Variants in ARL15 observed in about 807,000 individuals in gnomAD.
ARL15 encodes ARF like GTPase 15, also known as ADP-ribosylation factor-like protein 15.
A neutral mutation model predicts 25.2 loss-of-function variants in ARL15; 19 were observed. That is an observed-to-expected ratio of 0.75 (90% CI 0.53 to 1.10). ARL15 has a LOEUF of 1.10. ARL15 is among the 50% of genes least tolerant of loss of function. The pLI is 0.00. For missense variants in ARL15, 220 were observed against 246.0 expected, an observed-to-expected ratio of 0.89 and a Z score of 0.71; for synonymous variants, 94 against 86.8, an observed-to-expected ratio of 1.08 and a Z score of -0.46.
At chr5:54,251,944 A>T (rs1757244551) in intron 1 of ARL15, among the ~76,000 whole-genome samples, 1 of 152,242 alleles carries the variant, frequency 6.6e-6, no homozygotes, top group Non-Finnish European at 1.5e-5. Context: ...CCCATAGTCA[A>T]TCAAAGTTGA....
chr5:54,164,590 G>A (rs1754512575), intron 2 of ARL15, among the ~76,000 whole-genome samples: 1 of 152,012 alleles, frequency 6.6e-6, no homozygotes, highest in South Asian at 2.1e-4. Flanking sequence ...CTGAATAAAT[G>A]ATCCCTTCAT....
At chr5:54,070,145 C>T (rs542536225) in intron 4 of ARL15, among the ~76,000 whole-genome samples, 146 of 150,682 alleles carry the variant, frequency 9.7e-4, no homozygotes, top group African/African-American at 3.3e-3. Context: ...AATCCCAGCA[C>T]TTTGGGAGGC....
chr5:53,937,106 C>A (rs1047364400), intron 4 of ARL15, among the ~76,000 whole-genome samples: 2 of 152,216 alleles, frequency 1.3e-5, no homozygotes, highest in African/African-American at 4.8e-5. Flanking sequence ...CCACTGGTAG[C>A]AAGCCTTGCC....
chr5:54,148,209 A>G (rs1753965566), intron 3 of ARL15, among the ~76,000 whole-genome samples: 1 of 152,200 alleles, frequency 6.6e-6, no homozygotes, highest in South Asian at 2.1e-4. Context: ...TGTCCTGTAC[A>G]GTTTCTGGAG....
chr5:54,211,045 C>A (rs1347661250), intron 1 of ARL15, among the ~76,000 whole-genome samples: 3 of 152,176 alleles, frequency 2.0e-5, no homozygotes, highest in African/African-American at 4.8e-5. Context: ...GATGTTATAT[C>A]TTTACACAAA....
At chr5:54,093,333 G>A (rs1752188649) in intron 4 of ARL15, among the ~76,000 whole-genome samples, 1 of 152,102 alleles carries the variant, frequency 6.6e-6, no homozygotes, top group South Asian at 2.1e-4. Flanking sequence ...ATCCTGCTGG[G>A]GTCACTGAAA....
At chr5:53,964,769 C>T (rs771522196) in intron 4 of ARL15, among the ~76,000 whole-genome samples, 1 of 152,186 alleles carries the variant, frequency 6.6e-6, no homozygotes, top group Non-Finnish European at 1.5e-5. Context: ...TGTAGAAATA[C>T]TTTCTATAAC....
intron 1 of ARL15, among the ~76,000 whole-genome samples, chr5:54,304,848 T>C (rs1488939949): frequency 1.5e-5 from 2 of 134,340 alleles, no homozygotes; most frequent in Admixed American, 1.5e-4. Context: ...AACAATGTAC[T>C]TTTTTTTTTA....
intron 4 of ARL15, among the ~76,000 whole-genome samples, chr5:53,973,228 C>CA (rs34239625): frequency 0.3 from 45,788 of 151,762 alleles, 8,528 homozygotes; most frequent in Middle Eastern, 0.45. Context: ...TTTTTAACGT[C>CA]AAAAAAATAC....
Position 54,300,784 on chromosome 5 carries a change from A to G in ARL15, c.48+9648T>C, listed in dbSNP as rs1348451279. 2.6e-5 allele frequency among the ~76,000 whole-genome samples: 4 copies of G among 152,172 alleles called. No homozygotes were observed. In the East Asian group the frequency reaches 5.8e-4, roughly 22 times the overall value. On this transcript the variant is annotated intron_variant, in intron 1 of 4. Transcript: ENST00000504924. ...TCTGGATCAGGACATCTTCCTAACT[A>G]GTCTTGCTCCAGTCTTCCCTCCCTT...
chr5:53,986,232 C>A (rs1016500946), intron 4 of ARL15, among the ~76,000 whole-genome samples: 1 of 152,174 alleles, frequency 6.6e-6, no homozygotes, highest in South Asian at 2.1e-4. Flanking sequence ...TTCAAGTGAT[C>A]ATGACTTCAA....
At chr5:54,116,692 C>T (rs188354250) in intron 3 of ARL15, among the ~76,000 whole-genome samples, 5 of 152,162 alleles carry the variant, frequency 3.3e-5, no homozygotes, top group East Asian at 1.9e-4. Context: ...AAGTGTTTTA[C>T]GTATATTAAA....
intron 1 of ARL15, among the ~76,000 whole-genome samples, chr5:54,216,585 G>A (rs1756212302): frequency 6.6e-6 from 1 of 151,948 alleles, no homozygotes; most frequent in East Asian, 1.9e-4. Flanking sequence ...TTATTTTATA[G>A]CAGTTATAAT....
At chr5:54,050,735 G>A (rs923867686) in intron 4 of ARL15, among the ~76,000 whole-genome samples, 2 of 152,128 alleles carry the variant, frequency 1.3e-5, no homozygotes, top group Non-Finnish European at 2.9e-5. Context: ...TGATCGCTTA[G>A]TAATCTTCGT....
Position 54,033,225 on chromosome 5 carries a change from A to C in ARL15, c.462+79977T>G, listed in dbSNP as rs183914053. Reference sequence around the variant, plus strand: ...CTACTCGGGAGGCTGAGGCAGGAGAATGGCTTGAACCTGGGAGGTGGAAGT... The same window carrying C: ...CTACTCGGGAGGCTGAGGCAGGAGACTGGCTTGAACCTGGGAGGTGGAAGT... On this transcript the variant is annotated intron_variant, in intron 4 of 4. Coordinates refer to ENST00000504924, the MANE Select transcript of ARL15 (RefSeq NM_019087.3). 5.2e-3 allele frequency among the ~76,000 whole-genome samples: 798 copies of C among 152,148 alleles called. 3 individuals carry two copies. Among genetic ancestry groups the C allele is most frequent in the Admixed American group, 0.011 (174 of 15,278 alleles).
intron 1 of ARL15, among the ~76,000 whole-genome samples, chr5:54,298,525 T>G (rs561646518): frequency 6.6e-6 from 1 of 152,238 alleles, no homozygotes; most frequent in South Asian, 2.1e-4. Context: ...CTAGTCCCAT[T>G]TAAGGAAAGC....
At chr5:54,115,952 G>C (rs539807011) in intron 3 of ARL15, among the ~76,000 whole-genome samples, 1 of 152,246 alleles carries the variant, frequency 6.6e-6, no homozygotes, top group East Asian at 1.9e-4. Flanking sequence ...CCGATTTAGA[G>C]GGAGTGCTGT....
chr5:54,029,428 GT>G (rs1296682782), intron 4 of ARL15, among the ~76,000 whole-genome samples: 6 of 134,796 alleles, frequency 4.5e-5, no homozygotes, highest in Admixed American at 4.1e-4. Context: ...CTCTCAAAGA[GT>G]TTACAATCTC....
At chr5:54,227,785 A>G (rs1756566873) in intron 1 of ARL15, among the ~76,000 whole-genome samples, 1 of 152,222 alleles carries the variant, frequency 6.6e-6, no homozygotes, top group Admixed American at 6.5e-5. Flanking sequence ...TGTGCTCACA[A>G]TTCATGAGAA....
Sources: gnomAD v4.1 joint callset for allele counts (sites outside exome capture counted in the v4.1 genomes callset) on GRCh38, gnomAD v4.1.1 for gene constraint, MANE v1.5 for transcripts, NCBI Gene and HGNC (gene_info 2026-07-23, HGNC 2026-07-21) for gene names.